Variants in TMEM14B observed in about 807,000 individuals in gnomAD.
TMEM14B encodes the protein transmembrane protein 14B.
A neutral mutation model predicts 14.8 loss-of-function variants in TMEM14B; 9 were observed. The ratio of observed to expected loss-of-function variants is 0.61; its 90% CI spans 0.37 to 1.06. TMEM14B has a LOEUF of 1.06. Ranked by LOEUF, TMEM14B falls within the 50% of genes least tolerant of loss-of-function variation. The probability of loss-of-function intolerance (pLI) is 0.01; values close to 1 mark genes in which losing one functional copy is unlikely to be tolerated. For missense variants in TMEM14B, 128 were observed against 143.6 expected, an observed-to-expected ratio of 0.89 and a Z score of 0.56; for synonymous variants, 40 against 51.3, an observed-to-expected ratio of 0.78 and a Z score of 0.94.
chr6:10,758,344 TGAATGTGG>T (rs1217633432), downstream of TMEM14B, among the ~76,000 whole-genome samples: 2 of 152,216 alleles, frequency 1.3e-5, no homozygotes, highest in Admixed American at 1.3e-4. Flanking sequence ...CAAGGTTCCC[TGAATGTGG>T]GAATTAGTTT....
intron 5 of TMEM14B, chr6:10,755,499 T>A: frequency 7.1e-7 from 1 of 1,412,442 alleles, no homozygotes; most frequent in Non-Finnish European, 9.2e-7. Flanking sequence ...TGCAAAGCTA[T>A]GACTGCAGCC....
chr6:10,756,516 T>G lies in TMEM14B; in HGVS notation c.343T>G (p.Ter115GluextTer10), dbSNP rs781114660. The G allele has an allele frequency of 1.2e-6, 2 of 1,613,528 alleles. No homozygotes were observed. The highest frequency in any genetic ancestry group is 2.2e-5 in the South Asian group (2 of 90,918). ...VGVRMLMTSD[*>E] ...AGTTCGTATGTTGATGACATCTGAT[T>G]AGCAGAAGTCATGTTCCAGCTTGGA... The change falls in exon 6 of 6, where the codon TAG becomes GAG. Residue 115 changes from the stop codon to glutamate (E), a stop_lost. Transcript: ENST00000379542.
chr6:10,754,385 C>T (rs769517759), intron 4 of TMEM14B, among the ~76,000 whole-genome samples: 2 of 152,176 alleles, frequency 1.3e-5, no homozygotes, highest in African/African-American at 2.4e-5. Context: ...ACTTCTGTGC[C>T]ACGCTGCCCT....
chr6:10,758,711 A>G (rs750316932), downstream of TMEM14B, among the ~76,000 whole-genome samples: 3 of 152,162 alleles, frequency 2.0e-5, no homozygotes, highest in Non-Finnish European at 4.4e-5. Flanking sequence ...GGTAGGCTTC[A>G]CAAAGGAACC....
At chr6:10,753,493 C>G (rs576857112) in intron 4 of TMEM14B, among the ~76,000 whole-genome samples, 1 of 152,056 alleles carries the variant, frequency 6.6e-6, no homozygotes, top group South Asian at 2.1e-4. Flanking sequence ...ACCTATTTTC[C>G]TTTTTGGCCA....
chr6:10,750,158 T>C (rs1771490939), intron 3 of TMEM14B: 1 of 171,884 alleles, frequency 5.8e-6, no homozygotes, highest in African/African-American at 2.5e-5. Flanking sequence ...AGACTTCTTA[T>C]TCTCCTGATC....
chr6:10,756,818 A>G lies in TMEM14B; in HGVS notation c.*300A>G. On this transcript the variant is annotated 3_prime_UTR_variant, in exon 6 of 6. Coordinates refer to ENST00000379542, the MANE Select transcript of TMEM14B (RefSeq NM_030969.5). ...CAAGGGTAAAATGTTAGGTGTTGAC[A>G]TTGAGAACCCTGAAACCCCATTCCC... 8 of 1,025,302 alleles carry G rather than the reference A, an allele frequency of 7.8e-6. No homozygotes were observed. Among genetic ancestry groups the G allele is most frequent in the Non-Finnish European group, 9.3e-6 (8 of 856,244 alleles). 63.5% of individuals were successfully genotyped at this position (1,025,302 alleles called of 1,614,324 possible).
At chr6:10,752,890 C>T (rs1007766889) in intron 4 of TMEM14B, 9 of 152,158 alleles carry the variant, frequency 5.9e-5, no homozygotes, top group South Asian at 2.1e-4. Context: ...TGGGATCAGA[C>T]AAGATCTAGC....
chr6:10,748,798 G>A (rs1771435365), intron 1 of TMEM14B, among the ~76,000 whole-genome samples: 2 of 152,146 alleles, frequency 1.3e-5, no homozygotes, highest in African/African-American at 4.8e-5. Flanking sequence ...TTGCATCAGT[G>A]AAGAAAAGCA....
intron 5 of TMEM14B, chr6:10,755,601 G>A: frequency 1.6e-6 from 2 of 1,252,326 alleles, no homozygotes; most frequent in South Asian, 5.7e-5. Flanking sequence ...AGGAAATTTT[G>A]ATTGAATCCT....
chr6:10,754,519 C>T (rs576146892), intron 4 of TMEM14B, among the ~76,000 whole-genome samples: 2 of 152,234 alleles, frequency 1.3e-5, no homozygotes, highest in African/African-American at 4.8e-5. Context: ...AGATCTCAGT[C>T]AGTCTTCACT....
At chr6:10,749,801 CT>C in intron 3 of TMEM14B, 103 bp downstream of exon 3, 6 of 1,368,996 alleles carry the variant, frequency 4.4e-6, no homozygotes, top group Non-Finnish European at 5.2e-6. Flanking sequence ...CTCAGCTTTG[CT>C]GTAGGTCCCC....
At chr6:10,758,686 T>TTTCG, downstream of TMEM14B, among the ~76,000 whole-genome samples, 1 of 152,114 alleles carries the variant, frequency 6.6e-6, no homozygotes. Flanking sequence ...TGGGCATTTC[T>TTTCG]GTTGAGGGAG....
chr6:10,749,237 A>G lies in TMEM14B; in HGVS notation c.-9A>G. On this transcript the variant is annotated 5_prime_UTR_variant, in exon 2 of 6. Coordinates refer to ENST00000379542, the MANE Select transcript of TMEM14B (RefSeq NM_030969.5). ...GGGGTAGTCTCCTTTCTGGACTGAG[A>G]AGAGAAGAATGGAGAAGCCCCTCTT... The G allele has an allele frequency of 6.2e-7, 1 of 1,614,136 alleles. No individual in the cohort carries two copies. Among genetic ancestry groups the G allele is most frequent in the Non-Finnish European group, 8.5e-7 (1 of 1,179,992 alleles).
At chr6:10,752,567 C>T (rs1771633321) in intron 4 of TMEM14B, among the ~76,000 whole-genome samples, 1 of 151,072 alleles carries the variant, frequency 6.6e-6, no homozygotes, top group Non-Finnish European at 1.5e-5. Context: ...AGTGGTTCTC[C>T]TGCCTCAGCC....
At chr6:10,752,639 C>G (rs1000300013) in intron 4 of TMEM14B, among the ~76,000 whole-genome samples, 2 of 151,710 alleles carry the variant, frequency 1.3e-5, no homozygotes, top group Non-Finnish European at 2.9e-5. Context: ...GCATTTTTAG[C>G]AGGTGCAGGG....
chr6:10,755,201 T>C lies in TMEM14B; in HGVS notation c.262T>C (p.Phe88Leu), dbSNP rs765557217. 9.3e-6 allele frequency: 15 copies of C among 1,614,210 alleles called. No homozygotes were observed. Among genetic ancestry groups the C allele is most frequent in the Non-Finnish European group, 1.3e-5 (15 of 1,180,038 alleles). ...AATGAGATCCTACTACTATGGAAAA[T>C]TCATGCCTGTAGGTTTAATTGCAGG... Reference protein sequence around the residue: ...MGMRSYYYGKFMPVGLIAGAS... With the variant: ...MGMRSYYYGKLMPVGLIAGAS... The change falls in exon 5 of 6, where the codon TTC becomes CTC. Residue 88 changes from phenylalanine to leucine, a missense_variant. By Grantham distance (22) the Phe-to-Leu change is conservative. Coordinates refer to ENST00000379542, the MANE Select transcript of TMEM14B (RefSeq NM_030969.5).
chr6:10,751,113 C>T lies in TMEM14B; in HGVS notation c.101-20C>T. 6.2e-7 allele frequency: 1 copy of T among 1,612,684 alleles called. No homozygotes were observed. The highest frequency in any genetic ancestry group is 8.5e-7 in the Non-Finnish European group (1 of 1,179,768). The stretch of plus-strand genomic sequence containing the variant: ...TAAGTGCCTGACATTACAATGCAAG[C>T]TGCGTTTGCTTCCTTCTAGGCAGCG... On this transcript the variant is annotated intron_variant, in intron 3 of 5. Coordinates refer to ENST00000379542, the MANE Select transcript of TMEM14B (RefSeq NM_030969.5).
chr6:10,756,183 G>A (rs1241236110), intron 5 of TMEM14B, among the ~76,000 whole-genome samples: 1 of 152,198 alleles, frequency 6.6e-6, no homozygotes, highest in African/African-American at 2.4e-5. Context: ...TGATGGTGGG[G>A]AGGCCTTGCT....
Sources: allele counts gnomAD v4.1 joint callset (sites outside exome capture counted in the v4.1 genomes callset), GRCh38; gene constraint gnomAD v4.1.1; transcripts MANE v1.5; gene names NCBI Gene and HGNC (gene_info 2026-07-23, HGNC 2026-07-21).